BTNL2: variants seen among roughly 807,000 people sequenced by gnomAD.
BTNL2 encodes the protein butyrophilin-like protein 2.
In BTNL2, 46 loss-of-function variants were observed where a neutral mutation model predicts 46.8. The ratio of observed to expected loss-of-function variants is 0.98; its 90% CI spans 0.78 to 1.26. The LOEUF is 1.26. Among genes scored for constraint, BTNL2 ranks in the 50% most tolerant of loss-of-function variants. BTNL2 has a pLI of 0.00. For synonymous variants in BTNL2, 226 were observed against 229.1 expected, an observed-to-expected ratio of 0.99 and a Z score of 0.12; for missense variants, 461 against 592.6, an observed-to-expected ratio of 0.78 and a Z score of 2.31.
At position 32,393,768 on chromosome 6, in the gene BTNL2, G is replaced by A. The variant is rs183704766; in HGVS notation, c.*6+195C>T. 1.7e-4 allele frequency: 103 copies of A among 607,206 alleles called. 2 individuals carry two copies. The East Asian group carries it at 3.2e-3, about 19-fold the overall frequency. 37.6% of individuals were successfully genotyped at this position (607,206 alleles called of 1,614,324 possible). ...AATCATTTTGCTTCTATTACAAGTGGAAACACTGACCTCATGCATCACTGA... is the reference window on the plus strand; with the variant it reads ...AATCATTTTGCTTCTATTACAAGTGAAAACACTGACCTCATGCATCACTGA... On this transcript the variant is annotated intron_variant, in intron 7 of 7. Transcript: ENST00000454136. The surrounding 1 kb of genome is among the most constrained non-coding windows in gnomAD (Gnocchi z 4.8).
intron 2 of BTNL2, among the ~76,000 whole-genome samples, 164 bp downstream of exon 2, chr6:32,404,775 T>G (rs1167110338): frequency 6.6e-6 from 1 of 152,248 alleles, no homozygotes; most frequent in Admixed American, 6.5e-5. Context: ...AACACTAAGC[T>G]TGAAGACTCC....
Position 32,407,171 on chromosome 6 carries a change from G to A in BTNL2, c.-48C>T. On this transcript the variant is annotated 5_prime_UTR_variant, in exon 1 of 8. Coordinates refer to ENST00000454136, the MANE Select transcript of BTNL2 (RefSeq NM_001304561.2). The stretch of plus-strand genomic sequence containing the variant: ...AAACGCTGTGCCTAAGTGAGGCTGT[G>A]ACACACCCGGCACACTCCATGGCTT... The A allele has an allele frequency of 6.6e-7, 1 of 1,510,412 alleles. No homozygotes were observed. Among genetic ancestry groups the A allele is most frequent in the Non-Finnish European group, 9.2e-7 (1 of 1,087,166 alleles). The allele number at this position is 1,510,412 out of a possible 1,614,324, so 93.6% of individuals were successfully genotyped here. A position where few individuals can be genotyped will look rare whatever the true frequency, so the allele number is the denominator to read the frequency against.
Position 32,404,597 on chromosome 6 carries a change from G to C in BTNL2, c.427+342C>G, listed in dbSNP as rs560506341. On this transcript the variant is annotated intron_variant, in intron 2 of 7. Coordinates refer to ENST00000454136, the MANE Select transcript of BTNL2 (RefSeq NM_001304561.2). ...ACCAATGCCCTGAGATACAGATGCC[G>C]GACGTCAGCTGGGCTCATTCATGCA... 1.5e-4 allele frequency among the ~76,000 whole-genome samples: 23 copies of C among 152,300 alleles called. No individual in the cohort carries two copies. In the East Asian group the frequency reaches 1.9e-3, roughly 13 times the overall value.
In BTNL2 at chr6:32,398,138, T is replaced by A. The variant is rs141834666; in HGVS notation, c.731-1752A>T. ...AGCTATATTACATTTTCCATTCTCA[T>A]CAGGCCCTGCCCGTGCCATTTTTTC... On this transcript the variant is annotated intron_variant, in intron 4 of 7. Transcript: ENST00000454136. Among the ~76,000 whole-genome samples the A allele has an allele frequency of 5.4e-3, 809 of 148,848 alleles. 9 individuals carry two copies. Among genetic ancestry groups the A allele is most frequent in the African/African-American group, 0.019 (764 of 40,928 alleles).
chr6:32,405,324 A>G, intron 1 of BTNL2, 38 bp from the exon 2 acceptor site: 1 of 1,589,752 alleles, frequency 6.3e-7, no homozygotes. Context: ...AGGAAATGCC[A>G]ATCAGAAAAT....
chr6:32,398,972 G>A (rs1408723590), intron 4 of BTNL2, among the ~76,000 whole-genome samples: 1 of 151,974 alleles, frequency 6.6e-6, no homozygotes, highest in Non-Finnish European at 1.5e-5. Flanking sequence ...GGATGTGCAG[G>A]TTTGTTACAT....
chr6:32,395,964 A>AAATTGTC (rs1776420970), intron 5 of BTNL2, 75 bp downstream of exon 5: 2 of 1,221,842 alleles, frequency 1.6e-6, no homozygotes, highest in Non-Finnish European at 2.3e-6. Flanking sequence ...AATGTCAGAG[A>AAATTGTC]AATTGTCCAG....
At position 32,394,520 on chromosome 6, in the gene BTNL2, A is replaced by G. The variant is rs185948299; in HGVS notation, c.1360+224T>C. Among the ~76,000 whole-genome samples the G allele has an allele frequency of 4.0e-4, 61 of 152,372 alleles. No individual in the cohort carries two copies. In the East Asian group the frequency reaches 6.5e-3, roughly 16 times the overall value. On this transcript the variant is annotated intron_variant, in intron 6 of 7. Coordinates refer to ENST00000454136, the MANE Select transcript of BTNL2 (RefSeq NM_001304561.2). The surrounding 1 kb of genome is among the most constrained non-coding windows in gnomAD (Gnocchi z 4.6). ...ATTACGAGAATTTAGTGTGTATCCA[A>G]TGATAAAAATAATTGCAGGGCGCTA...
chr6:32,403,595 T>A (rs59400022), intron 2 of BTNL2: 17,270 of 191,144 alleles, frequency 0.09, 990 homozygotes, highest in East Asian at 0.16. Flanking sequence ...GGGCACATTG[T>A]CTGGTATTTT....
rs1776441449 is a variant in BTNL2, at chr6:32,396,201, C to T, written c.916G>A (p.Ala306Thr). ...AGTACAGTCCTCCCTCTGTACTCTGCCATCTGCTCTCCAGCCACATGGTCC... is the reference window on the plus strand; with the variant it reads ...AGTACAGTCCTCCCTCTGTACTCTGTCATCTGCTCTCCAGCCACATGGTCC... ...DGDHVAGEQM[A>T]EYRGRTVLVS... The change falls in exon 5 of 8, where the codon GCA becomes ACA. Residue 306 changes from alanine to threonine, a missense_variant. Physicochemically the swap from Ala to Thr is moderately conservative, Grantham distance 58. Coordinates refer to ENST00000454136, the MANE Select transcript of BTNL2 (RefSeq NM_001304561.2). The surrounding 1 kb of genome is among the most constrained non-coding windows in gnomAD (Gnocchi z 4.4). 6.2e-7 allele frequency: 1 copy of T among 1,613,080 alleles called. No homozygotes were observed. The highest frequency in any genetic ancestry group is 1.3e-5 in the African/African-American group (1 of 75,060).
Position 32,396,325 on chromosome 6 carries a change from C to G in BTNL2, c.792G>C (p.Gln264His). The G allele has an allele frequency of 6.2e-7, 1 of 1,612,822 alleles. No homozygotes were observed. The highest frequency in any genetic ancestry group is 8.5e-7 in the Non-Finnish European group (1 of 1,179,806). Residue 264 changes from glutamine to histidine, a missense_variant, in exon 5 of 8, where the codon CAG (glutamine) becomes CAC (histidine). By Grantham distance (24) the Gln-to-His change is conservative (BLOSUM62 0). Coordinates refer to ENST00000454136, the MANE Select transcript of BTNL2 (RefSeq NM_001304561.2). The surrounding 1 kb of genome is among the most constrained non-coding windows in gnomAD (Gnocchi z 4.4). ...PILVRVGEDI[Q>H]LTCYLSPKAN... ...CCTTGGGGGACAGGTAACAGGTTAG[C>G]TGTATATCTTCTCCCACTCTGACGA...
At chr6:32,400,996 C>A (rs1465651233) in intron 4 of BTNL2, among the ~76,000 whole-genome samples, 2 of 144,884 alleles carry the variant, frequency 1.4e-5, no homozygotes, top group Non-Finnish European at 3.0e-5. Context: ...ATCACGAGAT[C>A]AGGAGATCGA....
rs139993858 is a variant in BTNL2 at position 32,404,968 on chromosome 6, C to A, written c.398G>T (p.Gly133Val). The change falls in exon 2 of 8, where the codon GGA (glycine) becomes GTA (valine). Residue 133 changes from glycine (G) to valine (V), a missense_variant. Physicochemically the swap from Gly to Val is moderately radical, Grantham distance 109 (BLOSUM62 -3). Coordinates refer to ENST00000454136, the MANE Select transcript of BTNL2 (RefSeq NM_001304561.2). ...WCHFQDGNYC[G>V]ETSLLLKVAG... is the part of the protein sequence containing the mutation. The stretch of plus-strand genomic sequence containing the variant: ...TACTTTGAGCAGCAAGCTTGTTTCT[C>A]CACAGTAGTTCCCATCCTGGAAATG... 6.2e-7 allele frequency: 1 copy of A among 1,613,106 alleles called. No homozygotes were observed. Among genetic ancestry groups the A allele is most frequent in the Non-Finnish European group, 8.5e-7 (1 of 1,180,030 alleles).
chr6:32,401,186 C>T (rs1199185142), intron 4 of BTNL2, among the ~76,000 whole-genome samples: 2 of 109,986 alleles, frequency 1.8e-5, no homozygotes, highest in Non-Finnish European at 1.7e-5. Context: ...CCAGCCTGGG[C>T]GACAGAGCAA....
chr6:32,406,977 C>T (rs537559834), intron 1 of BTNL2, 68 bp downstream of exon 1: 142 of 1,467,856 alleles, frequency 9.7e-5, no homozygotes, highest in African/African-American at 9.6e-4. Flanking sequence ...ATGTTGTTCT[C>T]GACCTTTGGA....
intron 4 of BTNL2, among the ~76,000 whole-genome samples, chr6:32,401,427 G>A (rs1423043041): frequency 6.6e-6 from 1 of 151,948 alleles, no homozygotes. Flanking sequence ...CACTTGAAAT[G>A]TTTTCAAAGG....
chr6:32,394,308 C>T lies in BTNL2; in HGVS notation c.1361-251G>A, dbSNP rs72847932. On this transcript the variant is annotated intron_variant, in intron 6 of 7. Coordinates refer to ENST00000454136, the MANE Select transcript of BTNL2 (RefSeq NM_001304561.2). The surrounding 1 kb of genome is among the most constrained non-coding windows in gnomAD (Gnocchi z 4.6). ...CTCTCTTCCAACTATATCACACAAT[C>T]ACTGGAATGACTTGAGGAGGAAAGG... Among the ~76,000 whole-genome samples, 20,297 of 147,738 alleles carry T rather than the reference C, an allele frequency of 0.14. 1,844 individuals are homozygous for T. The highest frequency in any genetic ancestry group is 0.17 in the South Asian group (795 of 4,684).
chr6:32,401,830 A>G (rs767439942), intron 3 of BTNL2, 25 bp from the exon 4 acceptor site: 1 of 1,605,132 alleles, frequency 6.2e-7, no homozygotes, highest in Admixed American at 1.7e-5. Context: ...AGAATAACAT[A>G]TTAAGGAATT....
rs1299291015 is a variant in BTNL2 at position 32,393,583 on chromosome 6, ATTTT to A, written c.*7-198_*7-195del. The A allele has an allele frequency of 1.3e-5, 2 of 158,638 alleles. No individual in the cohort carries two copies. The highest frequency in any genetic ancestry group is 4.8e-5 in the African/African-American group (2 of 41,652). The allele number at this position is 158,638 out of a possible 1,614,324, so 9.8% of individuals were successfully genotyped here. On this transcript the variant is annotated intron_variant, in intron 7 of 7. Transcript: ENST00000454136. The surrounding 1 kb of genome is among the most constrained non-coding windows in gnomAD (Gnocchi z 4.8). ...AAATCACCAACAAGTAGGTCACCAC[ATTTT>A]TAAAGATCATAGGAAATTGTTCACG... is the stretch of plus-strand genomic sequence containing the variant.
Sources: allele counts gnomAD v4.1 joint callset (sites outside exome capture counted in the v4.1 genomes callset), GRCh38; gene constraint gnomAD v4.1.1; non-coding constraint Gnocchi (gnomAD v3.1); transcripts MANE v1.5; gene names NCBI Gene and HGNC (gene_info 2026-07-23, HGNC 2026-07-21).